Variants in RBBP8NL observed in about 807,000 individuals in gnomAD.
RBBP8NL encodes the protein RBBP8 N-terminal-like protein.
In RBBP8NL, 59 loss-of-function variants were observed where a neutral mutation model predicts 62.2. The observed-to-expected ratio is 0.95, with a 90% confidence interval of 0.77 to 1.18. RBBP8NL has a LOEUF of 1.18. RBBP8NL is among the 50% of genes most tolerant of loss of function. RBBP8NL has a pLI of 0.00. For missense variants in RBBP8NL, 896 were observed against 899.5 expected, an observed-to-expected ratio of 1.00 and a Z score of 0.05; for synonymous variants, 412 against 394.1, an observed-to-expected ratio of 1.05 and a Z score of -0.54.
chr20:62,414,607 T>G, intron 9 of RBBP8NL, 51 bp from the exon 10 acceptor site: 1 of 1,376,754 alleles, frequency 7.3e-7, no homozygotes, highest in Non-Finnish European at 9.4e-7. Context: ...GCCGTGACCG[T>G]CCCAGCGAGC....
chr20:62,425,996 G>GAGTGGC (rs756633769), intron 1 of RBBP8NL, among the ~76,000 whole-genome samples: 2 of 134,904 alleles, frequency 1.5e-5, no homozygotes, highest in East Asian at 2.2e-4. Context: ...GTGGCAGTGG[G>GAGTGGC]AGTGGCAGTG....
chr20:62,420,390 ACACAG>A (rs1479284447), intron 1 of RBBP8NL, among the ~76,000 whole-genome samples: 1 of 149,448 alleles, frequency 6.7e-6, no homozygotes, highest in East Asian at 1.9e-4. Flanking sequence ...ACACACACAC[ACACAG>A]ATAGCATGTG....
chr20:62,414,867 G>A (rs988909942), intron 9 of RBBP8NL, among the ~76,000 whole-genome samples: 1 of 152,214 alleles, frequency 6.6e-6, no homozygotes, highest in African/African-American at 2.4e-5. Context: ...CACCTGGAGG[G>A]TCCTAGCCAC....
Position 62,415,139 on chromosome 20 carries a change from C to T in RBBP8NL, c.776G>A (p.Arg259His), listed in dbSNP as rs767409193. The T allele has an allele frequency of 5.2e-5, 77 of 1,492,978 alleles. No homozygotes were observed. The highest frequency in any genetic ancestry group is 3.5e-4 in the Middle Eastern group (2 of 5,636). 92.5% of individuals were successfully genotyped at this position (1,492,978 alleles called of 1,614,324 possible). ...RSSPPSPAYE[R>H]GLSLDSFLRA... ...CGGGCACCTGTCCAGGGAGAGGCCA[C>T]GCTCATACGCTGGGCTGGGTGGGCT... The change falls in exon 9 of 14, where the codon CGT (arginine) becomes CAT (histidine). Residue 259 changes from arginine (R) to histidine (H), a missense_variant. Transcript: ENST00000252998.
rs1483017708 is a variant in RBBP8NL, at chr20:62,414,034, G to A, written c.1317C>T (p.Asp439=). 5.0e-6 allele frequency: 8 copies of A among 1,590,736 alleles called. No individual in the cohort carries two copies. The highest frequency in any genetic ancestry group is 6.8e-6 in the Non-Finnish European group (8 of 1,169,500). The change falls in exon 10 of 14, where the codon GAC becomes GAT. Residue 439 remains aspartate, a synonymous_variant. Coordinates refer to ENST00000252998, the MANE Select transcript of RBBP8NL (RefSeq NM_080833.3). ...EAAATQDCAL[D]KPLDLSEWGR... is the part of the protein sequence containing the mutation. ...CCCACTCCGAGAGGTCCAGGGGCTT[G>A]TCTAGGGCACAGTCCTGCGTGGCTG...
Position 62,419,716 on chromosome 20 carries a change from C to T in RBBP8NL, c.-69G>A. 6.6e-7 allele frequency: 1 copy of T among 1,522,406 alleles called. No homozygotes were observed. Among genetic ancestry groups the T allele is most frequent in the Non-Finnish European group, 9.1e-7 (1 of 1,104,852 alleles). The allele number at this position is 1,522,406 out of a possible 1,614,324, so 94.3% of individuals were successfully genotyped here. ...TGGAGACGCCTGCAGCCTCTACTGC[C>T]CCTCTGTGTCCATCCTGAAGAGGAG... On this transcript the variant is annotated 5_prime_UTR_variant, in exon 2 of 14. Transcript: ENST00000252998.
At chr20:62,426,409 G>A (rs914583287) in intron 1 of RBBP8NL, among the ~76,000 whole-genome samples, 3 of 152,238 alleles carry the variant, frequency 2.0e-5, no homozygotes, top group Non-Finnish European at 4.4e-5. Flanking sequence ...GGCTGCCCCT[G>A]TGGAACACCC....
intron 13 of RBBP8NL, 37 bp downstream of exon 13, chr20:62,412,587 C>T (rs761546359): frequency 4.5e-5 from 71 of 1,593,270 alleles, no homozygotes; most frequent in Middle Eastern, 2.3e-4. Flanking sequence ...TGGCTCCCCT[C>T]GCCCCCTTCC....
rs201778704 is a variant in RBBP8NL, at chr20:62,413,809, C to T, written c.1530+12G>A. ...CTGAGGACCGGGTCTGAGCCAGGAC[C>T]GGGCTCCTTACCATGGGAGTGGAAG... On this transcript the variant is annotated intron_variant, in intron 10 of 13. Transcript: ENST00000252998. 328 of 1,584,314 alleles carry T rather than the reference C, an allele frequency of 2.1e-4. 1 individual carries two copies. The highest frequency in any genetic ancestry group is 7.7e-4 in the South Asian group (66 of 86,076).
In RBBP8NL at chr20:62,412,858, A is replaced by G; in HGVS notation, c.1718T>C (p.Leu573Pro). Residue 573 changes from leucine to proline, a missense_variant, in exon 12 of 14, where the codon CTG becomes CCG. Coordinates refer to ENST00000252998, the MANE Select transcript of RBBP8NL (RefSeq NM_080833.3). ...AEVLRPESDE[L>P]DETDTPGSEV... ...GCTGCCTGGGGTGTCTGTCTCATCC[A>G]GTTCGTCGGACTCTGGTCTCAGCAC... 1 of 1,613,490 alleles carries G rather than the reference A, an allele frequency of 6.2e-7. No individual in the cohort carries two copies. Among genetic ancestry groups the G allele is most frequent in the Non-Finnish European group, 8.5e-7 (1 of 1,179,982 alleles).
At chr20:62,417,382 CCAT>C in intron 3 of RBBP8NL, 63 bp from the exon 4 acceptor site, 5 of 1,362,710 alleles carry the variant, frequency 3.7e-6, no homozygotes, top group Non-Finnish European at 4.1e-6. Flanking sequence ...GCTGTCCCCA[CCAT>C]CCAGCCTGGG....
chr20:62,410,761 T>G lies in RBBP8NL; in HGVS notation c.*117A>C, dbSNP rs1601483711. The G allele has an allele frequency of 1.4e-6, 1 of 718,732 alleles. No individual in the cohort carries two copies. 44.5% of individuals were successfully genotyped at this position (718,732 alleles called of 1,614,324 possible). On this transcript the variant is annotated 3_prime_UTR_variant, in exon 14 of 14. Transcript: ENST00000252998. ...GTGGGTTCAGCTGAGGCTGGCTAGG[T>G]CTTCTCCCAGGGTTCTGTGCAGGGC...
At chr20:62,419,121 A>G (rs1988644745) in intron 2 of RBBP8NL, among the ~76,000 whole-genome samples, 1 of 152,078 alleles carries the variant, frequency 6.6e-6, no homozygotes, top group Admixed American at 6.5e-5. Context: ...GTGCCTTGAC[A>G]TGTTCTGGAT....
Position 62,414,427 on chromosome 20 carries a change from C to G in RBBP8NL, c.924G>C (p.Leu308=). The G allele has an allele frequency of 2.0e-6, 3 of 1,523,034 alleles. No homozygotes were observed. The South Asian group carries it at 3.7e-5, about 19-fold the overall frequency. 94.3% of individuals were successfully genotyped at this position (1,523,034 alleles called of 1,614,324 possible). A position where few individuals can be genotyped will look rare whatever the true frequency, so the allele number is the denominator to read the frequency against. Residue 308 remains leucine (L), a synonymous_variant, in exon 10 of 14, where the codon CTG becomes CTC. Transcript: ENST00000252998. ...GGTCGCTGGGGGCTGCAGCAGGGGC[C>G]AGGGGGCTGCTGTGGGGGCTCTGAA... is the stretch of plus-strand genomic sequence containing the variant. ...LHLQSPHSSP[L]APAAAPSDPR...
chr20:62,419,629 A>G lies in RBBP8NL; in HGVS notation c.19T>C (p.Ser7Pro), dbSNP rs781536217. ...TGGATCTCCTTCAGCCTGTTCAGCGACTCCATGAAGCTCTCCATGGCTCCC... is the reference window on the plus strand; with the variant it reads ...TGGATCTCCTTCAGCCTGTTCAGCGGCTCCATGAAGCTCTCCATGGCTCCC... Reference protein sequence around the residue: MESFMESLNRLKEIHEK... With the variant: MESFMEPLNRLKEIHEK... The change falls in exon 2 of 14, where the codon TCG becomes CCG. Residue 7 changes from serine to proline, a missense_variant. Coordinates refer to ENST00000252998, the MANE Select transcript of RBBP8NL (RefSeq NM_080833.3). 32 of 1,611,832 alleles carry G rather than the reference A, an allele frequency of 2.0e-5. No individual in the cohort carries two copies. The highest frequency in any genetic ancestry group is 1.6e-4 in the Middle Eastern group (1 of 6,080).
At chr20:62,420,632 G>A (rs1988678751) in intron 1 of RBBP8NL, among the ~76,000 whole-genome samples, 1 of 152,164 alleles carries the variant, frequency 6.6e-6, no homozygotes, top group Admixed American at 6.5e-5. Flanking sequence ...TGACAACAAA[G>A]CTGTGCAGAC....
chr20:62,413,027 C>T, intron 11 of RBBP8NL, 127 bp from the exon 12 acceptor site: 3 of 1,095,840 alleles, frequency 2.7e-6, no homozygotes, highest in Non-Finnish European at 4.0e-6. Context: ...GCCAAGTGAC[C>T]TGCCCCAGGG....
chr20:62,421,055 C>T (rs1601490254), intron 1 of RBBP8NL, among the ~76,000 whole-genome samples: 1 of 37,690 alleles, frequency 2.7e-5, no homozygotes, highest in African/African-American at 5.0e-5. Context: ...CCTGACCCTT[C>T]CCCCTCCTCC....
chr20:62,420,944 A>G (rs1038804163), intron 1 of RBBP8NL, among the ~76,000 whole-genome samples: 1 of 152,242 alleles, frequency 6.6e-6, no homozygotes, highest in Non-Finnish European at 1.5e-5. Flanking sequence ...CTCATCGTCA[A>G]ACCCTCCCAG....
Sources: allele counts gnomAD v4.1 joint callset (sites outside exome capture counted in the v4.1 genomes callset), GRCh38; gene constraint gnomAD v4.1.1; transcripts MANE v1.5; gene names NCBI Gene and HGNC (gene_info 2026-07-23, HGNC 2026-07-21).